CAST: variants seen among roughly 807,000 people sequenced by gnomAD.
CAST encodes MIR583 host.
In CAST, 76 loss-of-function variants were observed where a neutral mutation model predicts 119.6. The ratio of observed to expected loss-of-function variants is 0.64; its 90% CI spans 0.53 to 0.77. The LOEUF (loss-of-function observed/expected upper bound fraction) is 0.77. CAST is among the 30% of genes least tolerant of loss of function. The probability of loss-of-function intolerance (pLI) is 0.00; values close to 1 mark genes in which losing one functional copy is unlikely to be tolerated. For missense variants in CAST, 953 were observed against 946.5 expected (o/e 1.01, Z -0.09); for synonymous variants, 319 against 331.6 (o/e 0.96, Z 0.41).
chr5:96,204,320 T>A, the CAST span, among the ~76,000 whole-genome samples: 1 of 152,120 alleles, frequency 6.6e-6, no homozygotes, highest in South Asian at 2.1e-4. Flanking sequence ...TATTTAGGCT[T>A]TCTACAAAGC....
chr5:96,276,106 T>C, the CAST span, among the ~76,000 whole-genome samples: 1 of 152,228 alleles, frequency 6.6e-6, no homozygotes. Context: ...CAGTGGTTGC[T>C]GGTAGATCTT....
chr5:96,729,970 G>A (rs1170397919), intron 8 of CAST, among the ~76,000 whole-genome samples: 1 of 152,204 alleles, frequency 6.6e-6, no homozygotes, highest in Non-Finnish European at 1.5e-5. Context: ...TTCTCCTACT[G>A]CCCAGCAATA....
At chr5:96,637,490 C>G (rs1214553162) in intron 1 of CAST, among the ~76,000 whole-genome samples, 1 of 152,110 alleles carries the variant, frequency 6.6e-6, no homozygotes, top group South Asian at 2.1e-4. Flanking sequence ...GCACATTTTG[C>G]AAATAACTTC....
the CAST span, among the ~76,000 whole-genome samples, chr5:96,515,611 G>A: frequency 6.6e-6 from 1 of 151,988 alleles, no homozygotes; most frequent in East Asian, 1.9e-4. Context: ...ACTCACTCCT[G>A]CCCTTTTCAG....
chr5:96,022,890 G>A, the CAST span, among the ~76,000 whole-genome samples: 1 of 152,078 alleles, frequency 6.6e-6, no homozygotes, highest in Non-Finnish European at 1.5e-5. Context: ...TGGATGAGGG[G>A]CCCCCACTTA....
chr5:96,136,244 T>C, the CAST span, among the ~76,000 whole-genome samples: 6 of 152,230 alleles, frequency 3.9e-5, no homozygotes, highest in African/African-American at 1.4e-4. Flanking sequence ...TTTGATATTA[T>C]GTTATTTATT....
intron 22 of CAST, among the ~76,000 whole-genome samples, chr5:96,755,690 A>C (rs1010815043): frequency 6.6e-6 from 1 of 152,242 alleles, no homozygotes; most frequent in African/African-American, 2.4e-5. Flanking sequence ...ATCCATGTGC[A>C]CTAGCCCATT....
At chr5:96,220,306 C>A in the CAST span, among the ~76,000 whole-genome samples, 4 of 152,084 alleles carry the variant, frequency 2.6e-5, no homozygotes, top group African/African-American at 9.7e-5. Flanking sequence ...TGTTTTGTGC[C>A]CCCTCTTCAT....
intron 1 of CAST, among the ~76,000 whole-genome samples, chr5:96,568,824 C>T (rs1420053084): frequency 6.6e-6 from 1 of 151,964 alleles, no homozygotes; most frequent in Non-Finnish European, 1.5e-5. Flanking sequence ...ATAACTAAAT[C>T]TATGCCTATG....
intron 1 of CAST, among the ~76,000 whole-genome samples, chr5:96,645,565 TACTTA>T (rs1397177525): frequency 6.6e-6 from 1 of 152,204 alleles, no homozygotes; most frequent in Non-Finnish European, 1.5e-5. Flanking sequence ...TCGTCTTTAA[TACTTA>T]ACTTTAAATT....
At chr5:95,974,030 C>CA in the CAST span, among the ~76,000 whole-genome samples, 49 of 150,842 alleles carry the variant, frequency 3.2e-4, no homozygotes, top group Admixed American at 1.4e-3. Flanking sequence ...CACACACACA[C>CA]CCCCACTCAC....
At chr5:96,063,819 T>C in the CAST span, among the ~76,000 whole-genome samples, 1 of 152,200 alleles carries the variant, frequency 6.6e-6, no homozygotes, top group Admixed American at 6.6e-5. Context: ...CCTTTCTGAA[T>C]TCATACAAGT....
At chr5:96,414,894 C>T in the CAST span, among the ~76,000 whole-genome samples, 1 of 151,986 alleles carries the variant, frequency 6.6e-6, no homozygotes, top group African/African-American at 2.4e-5. Context: ...TAAGAGTGCC[C>T]TATATTCATG....
the CAST span, among the ~76,000 whole-genome samples, chr5:96,259,212 T>C: frequency 1.3e-5 from 2 of 152,214 alleles, no homozygotes; most frequent in African/African-American, 4.8e-5. Flanking sequence ...ATTTATGAGA[T>C]TGGCTCTTTT....
the CAST span, among the ~76,000 whole-genome samples, chr5:96,059,617 T>C: frequency 4.0e-5 from 6 of 149,504 alleles, no homozygotes; most frequent in South Asian, 1.3e-3. Context: ...GGGAGTGGTA[T>C]GTGAAGGCCA....
At chr5:96,415,566 T>C in the CAST span, among the ~76,000 whole-genome samples, 1 of 152,220 alleles carries the variant, frequency 6.6e-6, no homozygotes, top group Non-Finnish European at 1.5e-5. Context: ...AAATCCTACA[T>C]CCTTGCTATA....
At chr5:96,398,340 T>C in the CAST span, among the ~76,000 whole-genome samples, 2 of 152,292 alleles carry the variant, frequency 1.3e-5, no homozygotes, top group East Asian at 3.9e-4. Flanking sequence ...TGGCTTATGG[T>C]TCACGAGCTC....
At chr5:96,021,448 A>G in the CAST span, among the ~76,000 whole-genome samples, 2 of 151,096 alleles carry the variant, frequency 1.3e-5, no homozygotes, top group South Asian at 2.1e-4. Context: ...ATTGATCAGC[A>G]TTTTCTTTTT....
At chr5:96,325,983 A>G in the CAST span, among the ~76,000 whole-genome samples, 1 of 152,170 alleles carries the variant, frequency 6.6e-6, no homozygotes, top group Non-Finnish European at 1.5e-5. Flanking sequence ...ACGGTGTGCT[A>G]CAGATACCAT....
Sources: allele counts gnomAD v4.1 joint callset (sites outside exome capture counted in the v4.1 genomes callset), GRCh38; gene constraint gnomAD v4.1.1; transcripts MANE v1.5; gene names NCBI Gene and HGNC (gene_info 2026-07-23, HGNC 2026-07-21).